SYNPR: variants seen among roughly 807,000 people sequenced by gnomAD.
SYNPR encodes the protein synaptoporin.
In SYNPR, 23 loss-of-function variants were observed where a neutral mutation model predicts 32.9. The ratio of observed to expected loss-of-function variants is 0.70; its 90% CI spans 0.50 to 0.99. SYNPR has a LOEUF of 0.99. Ranked by LOEUF, SYNPR falls within the 50% of genes least tolerant of loss-of-function variation. SYNPR has a pLI of 0.00. For missense variants in SYNPR, 318 were observed against 349.3 expected, an observed-to-expected ratio of 0.91 and a Z score of 0.71; for synonymous variants, 146 against 135.9, an observed-to-expected ratio of 1.07 and a Z score of -0.52.
At chr3:63,367,288 A>C (rs953849869) in intron 2 of SYNPR, among the ~76,000 whole-genome samples, 2 of 152,228 alleles carry the variant, frequency 1.3e-5, no homozygotes, top group Non-Finnish European at 2.9e-5. Context: ...AGACTCCTAC[A>C]TAAATACAGT....
chr3:63,388,566 G>GTGTT (rs1364640435), intron 2 of SYNPR, among the ~76,000 whole-genome samples: 1 of 148,158 alleles, frequency 6.7e-6, no homozygotes, highest in Non-Finnish European at 1.5e-5. Context: ...TTGTGTGTGT[G>GTGTT]TGTGTGTGTG....
intron 3 of SYNPR, among the ~76,000 whole-genome samples, chr3:63,545,268 G>T (rs1702380270): frequency 6.6e-6 from 1 of 152,090 alleles, no homozygotes; most frequent in South Asian, 2.1e-4. Context: ...TTAGAACCCA[G>T]CTCTTATTTC....
chr3:63,224,557 T>C (rs556373453), upstream of SYNPR, among the ~76,000 whole-genome samples: 1 of 152,300 alleles, frequency 6.6e-6, no homozygotes, highest in East Asian at 1.9e-4. Flanking sequence ...ACAACCTACA[T>C]TTTTTAAAGG....
chr3:63,416,932 C>T (rs1221252607), intron 2 of SYNPR, among the ~76,000 whole-genome samples: 1 of 152,130 alleles, frequency 6.6e-6, no homozygotes, highest in African/African-American at 2.4e-5. Flanking sequence ...CACAGCCAAA[C>T]CATCTAATTC....
intron 4 of SYNPR, among the ~76,000 whole-genome samples, chr3:63,583,117 T>C (rs1703121959): frequency 6.6e-6 from 1 of 151,948 alleles, no homozygotes. Flanking sequence ...GGTCACAAAG[T>C]GCATGGTGGG....
At chr3:63,433,259 T>A (rs1700023513) in intron 2 of SYNPR, among the ~76,000 whole-genome samples, 1 of 152,030 alleles carries the variant, frequency 6.6e-6, no homozygotes, top group South Asian at 2.1e-4. Context: ...GCTCCTAGAG[T>A]TGAGATAAGT....
chr3:63,236,239 A>T (rs1158277029), intron 1 of SYNPR, among the ~76,000 whole-genome samples: 1 of 151,970 alleles, frequency 6.6e-6, no homozygotes, highest in Non-Finnish European at 1.5e-5. Flanking sequence ...TCTATACATC[A>T]GTCTCTCTAC....
At chr3:63,425,485 T>G (rs1355768617) in intron 2 of SYNPR, among the ~76,000 whole-genome samples, 1 of 152,164 alleles carries the variant, frequency 6.6e-6, no homozygotes, top group Admixed American at 6.5e-5. Flanking sequence ...TAACTCCTCA[T>G]GTAGGAATAA....
intron 2 of SYNPR, among the ~76,000 whole-genome samples, chr3:63,261,336 A>T (rs1396119854): frequency 1.3e-5 from 2 of 152,074 alleles, no homozygotes; most frequent in Non-Finnish European, 2.9e-5. Flanking sequence ...ACAATGATAG[A>T]CAGGATTAAG....
intron 3 of SYNPR, among the ~76,000 whole-genome samples, chr3:63,543,343 A>G (rs1168674225): frequency 6.6e-6 from 1 of 152,150 alleles, no homozygotes; most frequent in Non-Finnish European, 1.5e-5. Context: ...ATTGAATATT[A>G]AATTACTTGT....
intron 2 of SYNPR, among the ~76,000 whole-genome samples, chr3:63,414,636 T>C (rs1375939322): frequency 1.3e-5 from 2 of 152,204 alleles, no homozygotes; most frequent in African/African-American, 4.8e-5. Flanking sequence ...ATATTTTGAA[T>C]CAGTCAAGAT....
At chr3:63,227,187 C>T (rs528555839), upstream of SYNPR, among the ~76,000 whole-genome samples, 2 of 152,330 alleles carry the variant, frequency 1.3e-5, no homozygotes, top group African/African-American at 2.4e-5. Context: ...ATATATCCCA[C>T]AGTCTGTTAG....
At chr3:63,563,448 T>C (rs927496756) in intron 4 of SYNPR, among the ~76,000 whole-genome samples, 6 of 152,210 alleles carry the variant, frequency 3.9e-5, no homozygotes, top group African/African-American at 1.2e-4. Context: ...TGTTTGAGTA[T>C]AATTAGATAC....
intron 2 of SYNPR, among the ~76,000 whole-genome samples, chr3:63,445,248 G>C (rs1198731159): frequency 1.3e-5 from 2 of 152,166 alleles, no homozygotes; most frequent in Non-Finnish European, 2.9e-5. Context: ...TTCTGCATGT[G>C]AAAGTTATGC....
chr3:63,350,026 A>G (rs1290426969), intron 2 of SYNPR, among the ~76,000 whole-genome samples: 1 of 152,224 alleles, frequency 6.6e-6, no homozygotes, highest in Non-Finnish European at 1.5e-5. Context: ...GGTCTTTTGC[A>G]GTCTCTTTAA....
chr3:63,408,319 G>GGAAAGAAAGAAAGAAAGAAA (rs1214316826), intron 2 of SYNPR, among the ~76,000 whole-genome samples: 21 of 16,834 alleles, frequency 1.2e-3, no homozygotes, highest in South Asian at 2.4e-3. Flanking sequence ...AAGGAAGGAA[G>GGAAAGAAAGAAAGAAAGAAA]GAAAGAAAGA....
intron 2 of SYNPR, among the ~76,000 whole-genome samples, chr3:63,380,785 G>C (rs956010769): frequency 2.0e-5 from 3 of 152,148 alleles, no homozygotes; most frequent in Non-Finnish European, 4.4e-5. Flanking sequence ...CATATACACA[G>C]AACCAAAGAC....
At chr3:63,465,078 T>C (rs1288957252) in intron 2 of SYNPR, among the ~76,000 whole-genome samples, 1 of 152,168 alleles carries the variant, frequency 6.6e-6, no homozygotes, top group Non-Finnish European at 1.5e-5. Flanking sequence ...TTTTATTGCC[T>C]CTTAGATTTA....
chr3:63,335,363 A>AC (rs1193963677), intron 2 of SYNPR, among the ~76,000 whole-genome samples: 1 of 151,888 alleles, frequency 6.6e-6, no homozygotes, highest in Non-Finnish European at 1.5e-5. Context: ...AAAAAAAAAA[A>AC]AAAAAAAAAA....
Sources: allele counts gnomAD v4.1 joint callset (sites outside exome capture counted in the v4.1 genomes callset), GRCh38; gene constraint gnomAD v4.1.1; transcripts MANE v1.5; gene names NCBI Gene and HGNC (gene_info 2026-07-23, HGNC 2026-07-21).